The following FSHR variants were observed in gnomAD, a reference collection of about 807,000 sequenced individuals.
FSHR encodes follicle-stimulating hormone receptor.
In FSHR, 46 loss-of-function variants were observed where a neutral mutation model predicts 52.1. The observed-to-expected ratio is 0.88, with a 90% CI of 0.70 to 1.13. FSHR has a LOEUF of 1.13. FSHR is among the 50% of genes most tolerant of loss of function. The pLI is 0.00. For missense variants in FSHR, 964 were observed against 834.6 expected (o/e 1.16, Z -1.91); for synonymous variants, 399 against 309.6 (o/e 1.29, Z -3.03).
chr2:48,984,757 T>G lies in FSHR; in HGVS notation c.525-1591A>C, dbSNP rs113802557. Among the ~76,000 whole-genome samples the G allele has an allele frequency of 4.5e-3, 689 of 152,346 alleles. 4 individuals are homozygous for G. Among genetic ancestry groups the G allele is most frequent in the African/African-American group, 0.016 (663 of 41,580 alleles). ...ACCCTTAATCCATACAGGTTCCACC[T>G]ATTTGCCTATTGACTAGATAATTAA... On this transcript the variant is annotated intron_variant, in intron 6 of 9. Transcript: ENST00000406846.
chr2:49,021,158 C>G (rs963851357), intron 2 of FSHR, among the ~76,000 whole-genome samples: 1 of 152,080 alleles, frequency 6.6e-6, no homozygotes, highest in Non-Finnish European at 1.5e-5. Context: ...ATGCCATTAA[C>G]TAGGTGGAGG....
chr2:49,148,144 G>A lies in FSHR; in HGVS notation c.152+6122C>T, dbSNP rs574859450. Among the ~76,000 whole-genome samples the A allele has an allele frequency of 2.6e-5, 4 of 152,014 alleles. No individual in the cohort carries two copies. In the South Asian group the frequency reaches 6.2e-4, roughly 24 times the overall value. On this transcript the variant is annotated intron_variant, in intron 1 of 9. Transcript: ENST00000406846. ...TGGGCAAAATCACTTTCCTCTTTTC[G>A]ATATTTTTGTTAGGTATAGAGAGGC... is the stretch of plus-strand genomic sequence containing the variant.
intron 1 of FSHR, among the ~76,000 whole-genome samples, chr2:49,151,199 A>G (rs940921399): frequency 6.9e-6 from 1 of 144,592 alleles, no homozygotes; most frequent in Non-Finnish European, 1.5e-5. Context: ...TGTTCATTTC[A>G]CATGGCATGC....
chr2:49,094,749 T>G (rs1239833764), intron 1 of FSHR, among the ~76,000 whole-genome samples: 1 of 151,922 alleles, frequency 6.6e-6, no homozygotes, highest in Admixed American at 6.5e-5. Flanking sequence ...ACTTAAACTT[T>G]AAGAAATTAG....
chr2:48,962,714 T>C lies in FSHR; in HGVS notation c.*19A>G. ...ACTGAATTATCATTCAATACTCAGA[T>C]ACATTTTCACATTGTGTTTTAGTTT... is the stretch of plus-strand genomic sequence containing the variant. On this transcript the variant is annotated 3_prime_UTR_variant, in exon 10 of 10. Coordinates refer to ENST00000406846, the MANE Select transcript of FSHR (RefSeq NM_000145.4). The C allele has an allele frequency of 6.2e-7, 1 of 1,609,654 alleles. No individual in the cohort carries two copies. The highest frequency in any genetic ancestry group is 8.5e-7 in the Non-Finnish European group (1 of 1,175,922).
chr2:49,044,698 C>T (rs1265243775), intron 2 of FSHR, among the ~76,000 whole-genome samples: 1 of 152,174 alleles, frequency 6.6e-6, no homozygotes, highest in Non-Finnish European at 1.5e-5. Context: ...TCACCTCCCC[C>T]AACCTGCTTC....
At position 49,127,867 on chromosome 2, in the gene FSHR, TC is replaced by T. The variant is rs1558456936; in HGVS notation, c.152+26398del. Among the ~76,000 whole-genome samples the T allele has an allele frequency of 4.7e-4, 20 of 42,200 alleles. 1 individual carries two copies. The highest frequency in any genetic ancestry group is 2.6e-3 in the East Asian group (2 of 758). 27.7% of individuals were successfully genotyped at this position (42,200 alleles called of 152,430 possible). On this transcript the variant is annotated intron_variant, in intron 1 of 9. Transcript: ENST00000406846. ...TTCTTCTTCTTCTTCTTCTTCTTCT[TC>T]TTCTTCTTCTTCTTCTTCTTCTTCT... is the stretch of plus-strand genomic sequence containing the variant.
At chr2:49,065,231 A>T (rs1382331656) in intron 2 of FSHR, among the ~76,000 whole-genome samples, 1 of 152,150 alleles carries the variant, frequency 6.6e-6, no homozygotes, top group Non-Finnish European at 1.5e-5. Context: ...AGCGAGGAAG[A>T]TCCCTAGAAG....
At chr2:49,140,358 G>T (rs890595198) in intron 1 of FSHR, among the ~76,000 whole-genome samples, 41 of 151,946 alleles carry the variant, frequency 2.7e-4, no homozygotes, top group African/African-American at 7.7e-4. Context: ...GCCATGTGAT[G>T]TACAAGCTCC....
At chr2:49,138,495 T>G (rs1403776159) in intron 1 of FSHR, among the ~76,000 whole-genome samples, 1 of 152,186 alleles carries the variant, frequency 6.6e-6, no homozygotes, top group Non-Finnish European at 1.5e-5. Flanking sequence ...ATGTGGCATA[T>G]CCATACAATT....
chr2:49,063,597 TC>T (rs1669392754), intron 2 of FSHR, among the ~76,000 whole-genome samples: 1 of 152,056 alleles, frequency 6.6e-6, no homozygotes, highest in Non-Finnish European at 1.5e-5. Context: ...ATGTTCTCAC[TC>T]ATATGTGGAA....
chr2:49,062,573 T>C (rs1211107121), intron 2 of FSHR, among the ~76,000 whole-genome samples: 1 of 151,886 alleles, frequency 6.6e-6, no homozygotes, highest in Non-Finnish European at 1.5e-5. Context: ...AATGGCATTA[T>C]GTTAAATTAA....
chr2:49,124,620 A>G (rs1052598485), intron 1 of FSHR, among the ~76,000 whole-genome samples: 1 of 152,018 alleles, frequency 6.6e-6, no homozygotes, highest in African/African-American at 2.4e-5. Context: ...CATGTCCCCA[A>G]TTAGACTTGT....
chr2:48,990,754 G>A (rs1675734132), intron 4 of FSHR, 117 bp from the exon 5 acceptor site: 3 of 752,672 alleles, frequency 4.0e-6, no homozygotes, highest in Non-Finnish European at 7.1e-6. Context: ...AAATCTACGA[G>A]AAAAGCCCGT....
At chr2:49,012,860 C>T (rs1171964733) in intron 4 of FSHR, among the ~76,000 whole-genome samples, 1 of 152,034 alleles carries the variant, frequency 6.6e-6, no homozygotes, top group African/African-American at 2.4e-5. Flanking sequence ...TGAAAATAAG[C>T]ATGGAAGATA....
rs143308592 is a variant in FSHR, at chr2:48,971,471, T to C, written c.669-2588A>G. Among the ~76,000 whole-genome samples, 548 of 152,336 alleles carry C rather than the reference T, an allele frequency of 3.6e-3. 1 individual carries two copies. The highest frequency in any genetic ancestry group is 5.6e-3 in the Non-Finnish European group (379 of 68,024). On this transcript the variant is annotated intron_variant, in intron 8 of 9. Transcript: ENST00000406846. ...TCATTTGTTCCTCAAGTCCTAGGGT[T>C]AGTAGTGGTTACTATTGCCAATCTC... is the stretch of plus-strand genomic sequence containing the variant.
chr2:49,053,451 A>G (rs1668941851), intron 2 of FSHR, among the ~76,000 whole-genome samples: 1 of 152,164 alleles, frequency 6.6e-6, no homozygotes. Flanking sequence ...TGTAATCTTC[A>G]CACTTTATAC....
At chr2:49,031,512 A>G (rs1039465576) in intron 2 of FSHR, among the ~76,000 whole-genome samples, 1 of 152,202 alleles carries the variant, frequency 6.6e-6, no homozygotes, top group Admixed American at 6.5e-5. Context: ...ATAAGAAGCT[A>G]TAATTACATG....
intron 1 of FSHR, among the ~76,000 whole-genome samples, chr2:49,121,666 G>C (rs1451942399): frequency 6.6e-6 from 1 of 152,164 alleles, no homozygotes; most frequent in Non-Finnish European, 1.5e-5. Flanking sequence ...ATACCTTGGT[G>C]CTTATATAGA....
Sources: allele counts gnomAD v4.1 joint callset (sites outside exome capture counted in the v4.1 genomes callset), GRCh38; gene constraint gnomAD v4.1.1; transcripts MANE v1.5; gene names NCBI Gene and HGNC (gene_info 2026-07-23, HGNC 2026-07-21).